PGAP4: variants seen among roughly 807,000 people sequenced by gnomAD.
The protein encoded by PGAP4 is post-GPI attachment to proteins GalNAc transferase 4.
A neutral mutation model predicts 28.2 loss-of-function variants in PGAP4; 12 were observed. That is an observed-to-expected ratio of 0.42 (90% CI 0.27 to 0.69). PGAP4 has a LOEUF of 0.69. Ranked by LOEUF, PGAP4 falls within the 30% of genes least tolerant of loss-of-function variation. PGAP4 has a pLI of 0.22. For missense variants in PGAP4, 425 were observed against 513.5 expected (o/e 0.83, Z 1.67); for synonymous variants, 205 against 211.8 (o/e 0.97, Z 0.28).
At position 101,476,163 on chromosome 9, in the gene PGAP4, C is replaced by T. The variant is rs767196637; in HGVS notation, c.930G>A (p.Arg310=). The T allele has an allele frequency of 3.7e-6, 6 of 1,614,118 alleles. No individual in the cohort carries two copies. The highest frequency in any genetic ancestry group is 1.1e-5 in the South Asian group (1 of 91,072). Residue 310 remains arginine, a synonymous_variant, in exon 2 of 2, where the codon CGG becomes CGA. Coordinates refer to ENST00000374848, the MANE Select transcript of PGAP4 (RefSeq NM_032342.3). This position sits in a 1 kb window ranked among gnomAD's most constrained non-coding sequence, Gnocchi z 7.0. ...GCCGCCGCAGTTCCAGGAAATAGTGCCGACCCACCAGCTCCACCAGACCCA... is the reference window on the plus strand; with the variant it reads ...GCCGCCGCAGTTCCAGGAAATAGTGTCGACCCACCAGCTCCACCAGACCCA... ...YSMGLVELVG[R]HYFLELRRLS... is the part of the protein sequence containing the mutation.
At chr9:101,494,389 C>A (rs749245191) in intron 2 of PGAP4, among the ~76,000 whole-genome samples, 2 of 151,692 alleles carry the variant, frequency 1.3e-5, no homozygotes, top group African/African-American at 2.4e-5. Context: ...AGTATACTTT[C>A]CCAAGTTCTC....
At chr9:101,481,591 G>C (rs1005484776) in intron 1 of PGAP4, 1 of 152,148 alleles carries the variant, frequency 6.6e-6, no homozygotes. Flanking sequence ...AGGGCTCAGG[G>C]AAGACAGTAA....
chr9:101,532,363 C>A (rs1256282268), intron 1 of PGAP4, among the ~76,000 whole-genome samples: 4 of 151,678 alleles, frequency 2.6e-5, no homozygotes, highest in African/African-American at 9.7e-5. Context: ...GCAAGATCAT[C>A]AACATTTTTT....
chr9:101,486,784 G>C lies in PGAP4; in HGVS notation c.-78+165C>G, dbSNP rs557243670. On this transcript the variant is annotated intron_variant, in intron 1 of 1. Coordinates refer to ENST00000374848, the MANE Select transcript of PGAP4 (RefSeq NM_032342.3). The surrounding 1 kb of genome is among the most constrained non-coding windows in gnomAD (Gnocchi z 4.7). ...GCTAGGCAACCCGCCTGCCCGAGGCGCACTGCCCGGGGCACAGGCCCTCTG... is the reference window on the plus strand; with the variant it reads ...GCTAGGCAACCCGCCTGCCCGAGGCCCACTGCCCGGGGCACAGGCCCTCTG... Among the ~76,000 whole-genome samples, 2 of 152,318 alleles carry C rather than the reference G, an allele frequency of 1.3e-5. No homozygotes were observed. The highest frequency in any genetic ancestry group is 4.8e-5 in the African/African-American group (2 of 41,584).
chr9:101,504,377 AT>A (rs1273184709), intron 2 of PGAP4, among the ~76,000 whole-genome samples: 3 of 151,600 alleles, frequency 2.0e-5, no homozygotes, highest in African/African-American at 7.3e-5. Context: ...TGAGTCACTA[AT>A]AAAAGCCAAT....
chr9:101,508,212 T>C (rs915965949), intron 2 of PGAP4, among the ~76,000 whole-genome samples: 16 of 151,048 alleles, frequency 1.1e-4, no homozygotes, highest in African/African-American at 3.9e-4. Flanking sequence ...CCATCCAATA[T>C]GAGTTCATTG....
Position 101,476,436 on chromosome 9 carries a change from C to A in PGAP4, c.657G>T (p.Gln219His). The A allele has an allele frequency of 1.9e-6, 3 of 1,614,156 alleles. No individual in the cohort carries two copies. The highest frequency in any genetic ancestry group is 1.7e-5 in the Admixed American group (1 of 60,020). The part of the protein sequence containing the change: ...MVEDDAVPEE[Q>H]IFPVLEHLLR... ...GAAGGTGCTCCAAGACTGGGAAGAT[C>A]TGCTCTTCTGGTACAGCATCGTCTT... The change falls in exon 2 of 2, where the codon CAG becomes CAT. Residue 219 changes from glutamine (Q) to histidine (H), a missense_variant. Transcript: ENST00000374848. The surrounding 1 kb of genome is among the most constrained non-coding windows in gnomAD (Gnocchi z 7.0).
chr9:101,513,595 A>G (rs916452461), intron 2 of PGAP4, among the ~76,000 whole-genome samples: 2 of 152,026 alleles, frequency 1.3e-5, no homozygotes, highest in African/African-American at 4.8e-5. Context: ...CATGCCTCTT[A>G]GCAACAGTTT....
chr9:101,475,860 A>T lies in PGAP4; in HGVS notation c.*21T>A, dbSNP rs15889. 11 of 1,595,762 alleles carry T rather than the reference A, an allele frequency of 6.9e-6. No homozygotes were observed. In the East Asian group the frequency reaches 8.9e-5, roughly 13 times the overall value. ...GAATCTTCAAGAAGTGGCCAACTTC[A>T]GAAAGGCATCTCTTGGCACCCTAGA... On this transcript the variant is annotated 3_prime_UTR_variant, in exon 2 of 2. Coordinates refer to ENST00000374848, the MANE Select transcript of PGAP4 (RefSeq NM_032342.3).
At chr9:101,485,143 A>T (rs1220014661) in intron 1 of PGAP4, among the ~76,000 whole-genome samples, 1 of 152,134 alleles carries the variant, frequency 6.6e-6, no homozygotes, top group Non-Finnish European at 1.5e-5. Context: ...GGATTTTGGC[A>T]TCTATCTCTC....
chr9:101,477,016 T>G lies in PGAP4; in HGVS notation c.77A>C (p.Gln26Pro), dbSNP rs1826341700. 1 of 1,613,510 alleles carries G rather than the reference T, an allele frequency of 6.2e-7. No homozygotes were observed. Among genetic ancestry groups the G allele is most frequent in the Non-Finnish European group, 8.5e-7 (1 of 1,179,920 alleles). Residue 26 changes from glutamine to proline, a missense_variant, in exon 2 of 2, where the codon CAG becomes CCG. Physicochemically the swap from Gln to Pro is moderately conservative, Grantham distance 76 (BLOSUM62 -1). Transcript: ENST00000374848. ...CGTCACCACTGTTAGGATGAAGAGCTGGACAGCAGTGCTGCCCCAGGAGAG... is the reference window on the plus strand; with the variant it reads ...CGTCACCACTGTTAGGATGAAGAGCGGGACAGCAGTGCTGCCCCAGGAGAG... The part of the protein sequence containing the change: ...RRLSWGSTAV[Q>P]LFILTVVTFG...
At chr9:101,477,743 C>T (rs992034969) in intron 1 of PGAP4, among the ~76,000 whole-genome samples, 2 of 152,222 alleles carry the variant, frequency 1.3e-5, no homozygotes, top group African/African-American at 4.8e-5. Context: ...TCTCACACAA[C>T]TATACTTAAC....
In PGAP4 at chr9:101,497,027, A is replaced by G. The variant is rs186004555; in HGVS notation, c.-164-7827T>C. ...CTGTTAGTAACCTTAAATTTGAGTG[A>G]AAACTTAGGAAGCAAGAAATCTGGA... On this transcript the variant is annotated intron_variant, in intron 2 of 3. Transcript: ENST00000374851. Among the ~76,000 whole-genome samples the G allele has an allele frequency of 2.1e-3, 321 of 150,838 alleles. 1 individual carries two copies. The highest frequency in any genetic ancestry group is 5.1e-3 in the Admixed American group (77 of 15,108).
Position 101,474,209 on chromosome 9 carries a change from T to C in PGAP4, c.*1672A>G, listed in dbSNP as rs1326914223. 1 of 152,214 alleles carries C rather than the reference T, an allele frequency of 6.6e-6. No homozygotes were observed. The highest frequency in any genetic ancestry group is 1.9e-4 in the East Asian group (1 of 5,198). The allele number at this position is 152,214 out of a possible 1,614,324, so 9.4% of individuals were successfully genotyped here. ...CAGGTTTGTGACCTGCAGAGCAGTTTAGCATCTCTGGGTCTCAATTTGTTC... is the reference window on the plus strand; with the variant it reads ...CAGGTTTGTGACCTGCAGAGCAGTTCAGCATCTCTGGGTCTCAATTTGTTC... On this transcript the variant is annotated 3_prime_UTR_variant, in exon 2 of 2. Transcript: ENST00000374848.
In PGAP4 at chr9:101,476,227, A is replaced by C; in HGVS notation, c.866T>G (p.Phe289Cys). 1 of 1,614,150 alleles carries C rather than the reference A, an allele frequency of 6.2e-7. No individual in the cohort carries two copies. Among genetic ancestry groups the C allele is most frequent in the South Asian group, 1.1e-5 (1 of 91,074 alleles). ...IYMRFASRPG[F>C]SWPVMLFFSL... Reference sequence around the variant, plus strand: ...GAAGAAGAGCATTACAGGCCAGCTAAACCCTGGGCGGCTGGCAAACCTCAT... The same window carrying C: ...GAAGAAGAGCATTACAGGCCAGCTACACCCTGGGCGGCTGGCAAACCTCAT... The change falls in exon 2 of 2, where the codon TTT becomes TGT. Residue 289 changes from phenylalanine to cysteine, a missense_variant. By Grantham distance (205) the Phe-to-Cys change is radical (BLOSUM62 -2). Coordinates refer to ENST00000374848, the MANE Select transcript of PGAP4 (RefSeq NM_032342.3). The surrounding 1 kb of genome is among the most constrained non-coding windows in gnomAD (Gnocchi z 7.0).
chr9:101,493,720 C>G (rs901886496), intron 2 of PGAP4, among the ~76,000 whole-genome samples: 2 of 152,078 alleles, frequency 1.3e-5, no homozygotes, highest in African/African-American at 4.8e-5. Context: ...TTGATTTGTA[C>G]TTTGAATGTC....
At chr9:101,477,286 A>G (rs2118500733) in intron 1 of PGAP4, 117 bp from the exon 2 acceptor site, 2 of 674,058 alleles carry the variant, frequency 3.0e-6, no homozygotes, top group African/African-American at 1.9e-5. Flanking sequence ...AGAAATTATA[A>G]TAGGAGGCTC....
intron 2 of PGAP4, among the ~76,000 whole-genome samples, chr9:101,496,554 C>T (rs886734714): frequency 2.6e-5 from 4 of 151,214 alleles, no homozygotes; most frequent in African/African-American, 7.3e-5. Context: ...TTTAGAAAGA[C>T]TTTTAAATAA....
chr9:101,516,870 A>G (rs1826948294), intron 2 of PGAP4, among the ~76,000 whole-genome samples: 1 of 152,210 alleles, frequency 6.6e-6, no homozygotes. Context: ...CAACACAGCT[A>G]CATGCTTTGC....
Sources: allele counts gnomAD v4.1 joint callset (sites outside exome capture counted in the v4.1 genomes callset), GRCh38; gene constraint gnomAD v4.1.1; non-coding constraint Gnocchi (gnomAD v3.1); transcripts MANE v1.5; gene names NCBI Gene and HGNC (gene_info 2026-07-23, HGNC 2026-07-21).